The following UGDH variants were observed in gnomAD, a reference collection of about 807,000 sequenced individuals.
The protein encoded by UGDH is UDP-Glc dehydrogenase.
Under a neutral mutation model 50.6 loss-of-function variants are expected in UGDH, and 38 were observed. That is an observed-to-expected ratio of 0.75 (90% confidence interval 0.58 to 0.98). UGDH has a LOEUF of 0.98. UGDH is among the 50% of genes least tolerant of loss of function. The pLI is 0.00. For synonymous variants in UGDH, 168 were observed against 199.9 expected (o/e 0.84, Z 1.35); for missense variants, 465 against 606.2 (o/e 0.77, Z 2.45).
intron 8 of UGDH, 38 bp from the exon 9 acceptor site, chr4:39,505,408 G>A (rs768025259): frequency 1.4e-6 from 2 of 1,457,560 alleles, no homozygotes; most frequent in East Asian, 2.5e-5. Context: ...TAAGCTTTAT[G>A]TGGCATTATA....
At chr4:39,527,208 C>G in intron 1 of UGDH, 75 bp downstream of exon 1, 1 of 1,069,918 alleles carries the variant, frequency 9.3e-7, no homozygotes, top group Non-Finnish European at 1.2e-6. Context: ...ACCCCAGCCC[C>G]GCTCCCTCCA....
At position 39,505,297 on chromosome 4, in the gene UGDH, C is replaced by T; in HGVS notation, c.1111G>A (p.Val371Ile). ...TCCACAACTATTTGTTCCCTAGGTA[C>T]TTTTGGATCATATATATGTAGATGT... ...GAHLHIYDPK[V>I]PREQIVVDLS... Residue 371 changes from valine (V) to isoleucine (I), a missense_variant, in exon 9 of 12, where the codon GTA (valine) becomes ATA (isoleucine). Physicochemically the swap from Val to Ile is conservative, Grantham distance 29. Coordinates refer to ENST00000316423, the MANE Select transcript of UGDH (RefSeq NM_003359.4). 6.2e-7 allele frequency: 1 copy of T among 1,603,770 alleles called. No individual in the cohort carries two copies. The highest frequency in any genetic ancestry group is 8.5e-7 in the Non-Finnish European group (1 of 1,176,654).
intron 3 of UGDH, among the ~76,000 whole-genome samples, chr4:39,512,668 T>A (rs914726729): frequency 1.3e-5 from 2 of 152,108 alleles, no homozygotes; most frequent in African/African-American, 4.8e-5. Flanking sequence ...ATTGATTTTT[T>A]CCAGGTACCT....
chr4:39,527,291 C>T lies in UGDH; in HGVS notation c.-16G>A. 1 of 382,890 alleles carries T rather than the reference C, an allele frequency of 2.6e-6. No homozygotes were observed. Among genetic ancestry groups the T allele is most frequent in the Non-Finnish European group, 4.9e-6 (1 of 204,750 alleles). 23.7% of individuals were successfully genotyped at this position (382,890 alleles called of 1,614,324 possible). ...CTGGGAGCGGCGCTTACCCACTTCC[C>T]AGCAGCAAGCGCAGGGACCGCTCCT... is the stretch of plus-strand genomic sequence containing the variant. On this transcript the variant is annotated 5_prime_UTR_variant, in exon 1 of 12. Transcript: ENST00000316423.
rs1560683126 is a variant in UGDH, at chr4:39,500,148, C to CT, written c.1479dup (p.Val494SerfsTer30). Reference sequence around the variant, plus strand: ...ACAAATAAAAATGGCAATCTCTACACTTTAGGTTTCTTGTTAGGTGGATCT... The same window carrying CT: ...ACAAATAAAAATGGCAATCTCTACACTTTTAGGTTTCTTGTTAGGTGGATCT... On this transcript the variant is annotated frameshift_variant, in exon 12 of 12. Coordinates refer to ENST00000316423, the MANE Select transcript of UGDH (RefSeq NM_003359.4). LOFTEE classifies it high-confidence loss of function. 1.3e-6 allele frequency: 2 copies of CT among 1,547,138 alleles called. No homozygotes were observed. Among genetic ancestry groups the CT allele is most frequent in the Non-Finnish European group, 8.8e-7 (1 of 1,137,782 alleles).
intron 2 of UGDH, among the ~76,000 whole-genome samples, chr4:39,520,056 C>T (rs1248490553): frequency 6.6e-6 from 1 of 152,014 alleles, no homozygotes; most frequent in African/African-American, 2.4e-5. Context: ...AAATAAGCTT[C>T]AGCCGGGCAT....
intron 1 of UGDH, among the ~76,000 whole-genome samples, chr4:39,525,542 A>G (rs892938770): frequency 7.7e-6 from 1 of 129,434 alleles, no homozygotes; most frequent in African/African-American, 3.0e-5. Flanking sequence ...AGTCTCGCTC[A>G]GTTGCCCAGG....
In UGDH at chr4:39,516,996, G is replaced by A. The variant is rs1390196010; in HGVS notation, c.163-2812C>T. Among the ~76,000 whole-genome samples, 3 of 152,160 alleles carry A rather than the reference G, an allele frequency of 2.0e-5. No individual in the cohort carries two copies. In the East Asian group the frequency reaches 5.8e-4, roughly 29 times the overall value. On this transcript the variant is annotated intron_variant, in intron 2 of 11. Coordinates refer to ENST00000316423, the MANE Select transcript of UGDH (RefSeq NM_003359.4). ...ACATAATTATATTAAAGCCAAAACT[G>A]ATGCAGAAGCAGTTAATAATATAGG...
intron 9 of UGDH, 94 bp downstream of exon 9, chr4:39,505,143 A>G (rs1745976027): frequency 3.2e-6 from 4 of 1,245,022 alleles, no homozygotes; most frequent in Non-Finnish European, 4.4e-6. Context: ...CCTACCAATG[A>G]TATACATGAT....
intron 7 of UGDH, among the ~76,000 whole-genome samples, 178 bp downstream of exon 7, chr4:39,508,388 C>T (rs1746108378): frequency 6.6e-6 from 1 of 152,110 alleles, no homozygotes; most frequent in Admixed American, 6.6e-5. Flanking sequence ...TGTGCAACAC[C>T]ATGCCTGGCT....
chr4:39,511,428 T>A (rs1430549596), intron 3 of UGDH, among the ~76,000 whole-genome samples: 2 of 151,752 alleles, frequency 1.3e-5, no homozygotes, highest in Non-Finnish European at 2.9e-5. Context: ...ACCCCACCAC[T>A]TTTTTTATAT....
rs4453941 is a variant in UGDH, at chr4:39,527,356, C to G, written c.-81G>C. The G allele has an allele frequency of 3.4e-5, 8 of 234,260 alleles. No homozygotes were observed. Among genetic ancestry groups the G allele is most frequent in the Non-Finnish European group, 7.1e-5 (8 of 113,292 alleles). The allele number at this position is 234,260 out of a possible 1,614,324, so 14.5% of individuals were successfully genotyped here. Reference sequence around the variant, plus strand: ...GACAGCACCTTCCTACGGGCCGCGCCGCCGCAGCTTCTCCACCCGCGCCCC... The same window carrying G: ...GACAGCACCTTCCTACGGGCCGCGCGGCCGCAGCTTCTCCACCCGCGCCCC... On this transcript the variant is annotated 5_prime_UTR_variant, in exon 1 of 12. Transcript: ENST00000316423.
intron 1 of UGDH, chr4:39,527,046 G>A (rs1341515907): frequency 7.8e-7 from 1 of 1,289,304 alleles, no homozygotes; most frequent in East Asian, 5.5e-5. Context: ...GGGGCTGGAA[G>A]ACTCACGAGT....
intron 11 of UGDH, among the ~76,000 whole-genome samples, chr4:39,502,032 G>T (rs1378987483): frequency 6.6e-6 from 1 of 151,974 alleles, no homozygotes; most frequent in Non-Finnish European, 1.5e-5. Context: ...CTTATTTAGT[G>T]ATTCCATTCC....
At position 39,523,803 on chromosome 4, in the gene UGDH, T is replaced by C. The variant is rs566458779; in HGVS notation, c.-7-2284A>G. On this transcript the variant is annotated intron_variant, in intron 1 of 11. Coordinates refer to ENST00000316423, the MANE Select transcript of UGDH (RefSeq NM_003359.4). ...CCTGGGCAACAAGCACGAAACTCCA[T>C]CTCAAAAAAAAAAAAAAAAATTATT... Among the ~76,000 whole-genome samples, 49 of 144,338 alleles carry C rather than the reference T, an allele frequency of 3.4e-4. 1 individual carries two copies. The South Asian group carries it at 0.01, about 31-fold the overall frequency. The allele number at this position is 144,338 out of a possible 152,430, so 94.7% of individuals were successfully genotyped here. A position where few individuals can be genotyped will look rare whatever the true frequency, so the allele number is the denominator to read the frequency against.
intron 1 of UGDH, among the ~76,000 whole-genome samples, chr4:39,525,279 C>T (rs1359232279): frequency 6.6e-6 from 1 of 152,074 alleles, no homozygotes; most frequent in African/African-American, 2.4e-5. Flanking sequence ...CTGCAACCTC[C>T]GTCTCCTGGG....
At position 39,510,843 on chromosome 4, in the gene UGDH, T is replaced by A; in HGVS notation, c.283A>T (p.Thr95Ser). 6.2e-7 allele frequency: 1 copy of A among 1,614,108 alleles called. No individual in the cohort carries two copies. The highest frequency in any genetic ancestry group is 8.5e-7 in the Non-Finnish European group (1 of 1,180,028). ...GCCCGGCCTTTCCCCATTCCATAGG[T>A]TTTTGTTGGAGTATTCACCTGATGT... ...VFISVNTPTK[T>S]YGMGKGRAAD... is the part of the protein sequence containing the mutation. The change falls in exon 4 of 12, where the codon ACC becomes TCC. Residue 95 changes from threonine to serine, a missense_variant. Physicochemically the swap from Thr to Ser is moderately conservative, Grantham distance 58. Coordinates refer to ENST00000316423, the MANE Select transcript of UGDH (RefSeq NM_003359.4).
At chr4:39,503,773 T>G (rs983768625) in intron 11 of UGDH, 102 bp downstream of exon 11, 1 of 980,370 alleles carries the variant, frequency 1.0e-6, no homozygotes, top group South Asian at 1.6e-5. Flanking sequence ...CCTGCTGTGA[T>G]GGTCTTTTGA....
intron 2 of UGDH, among the ~76,000 whole-genome samples, chr4:39,520,263 C>T (rs1036325081): frequency 3.3e-5 from 5 of 152,114 alleles, no homozygotes; most frequent in African/African-American, 4.8e-5. Context: ...CGCTTGAACA[C>T]GGAAGGCAGG....
Sources: allele counts gnomAD v4.1 joint callset (sites outside exome capture counted in the v4.1 genomes callset), GRCh38; gene constraint gnomAD v4.1.1; transcripts MANE v1.5; gene names NCBI Gene and HGNC (gene_info 2026-07-23, HGNC 2026-07-21).